MYO3B: variants seen among roughly 807,000 people sequenced by gnomAD.
The protein encoded by MYO3B is myosin IIIB, also known as myosin-IIIb.
In MYO3B, 156 loss-of-function variants were observed where a neutral mutation model predicts 174.6. The ratio of observed to expected loss-of-function variants is 0.89; its 90% CI spans 0.78 to 1.02. MYO3B has a LOEUF of 1.02. MYO3B is among the 50% of genes least tolerant of loss of function. The pLI, the probability that MYO3B is intolerant of heterozygous loss-of-function variation, is 0.00. For missense variants in MYO3B, 1,632 were observed against 1,639.4 expected, an observed-to-expected ratio of 1.00 and a Z score of 0.08; for synonymous variants, 563 against 569.1, an observed-to-expected ratio of 0.99 and a Z score of 0.15.
chr2:170,261,900 G>A (rs1051538010), intron 7 of MYO3B, among the ~76,000 whole-genome samples: 3 of 152,120 alleles, frequency 2.0e-5, no homozygotes, highest in African/African-American at 7.2e-5. Context: ...ATCAATAGAA[G>A]ATATGTATGT....
intron 22 of MYO3B, among the ~76,000 whole-genome samples, chr2:170,434,355 G>C (rs2094734864): frequency 6.6e-6 from 1 of 152,086 alleles, no homozygotes; most frequent in Admixed American, 6.6e-5. Context: ...TTTTCTTTTT[G>C]ATTCTCAGCA....
intron 14 of MYO3B, among the ~76,000 whole-genome samples, chr2:170,390,305 A>G (rs2094403395): frequency 3.9e-5 from 6 of 152,214 alleles, no homozygotes; most frequent in African/African-American, 1.4e-4. Flanking sequence ...ATGTGTGCCT[A>G]TAGTCATGGC....
chr2:170,593,996 G>C (rs1219589893), intron 32 of MYO3B, among the ~76,000 whole-genome samples: 1 of 152,086 alleles, frequency 6.6e-6, no homozygotes, highest in African/African-American at 2.4e-5. Context: ...CATCCACTTT[G>C]ATCATGTTAC....
intron 32 of MYO3B, among the ~76,000 whole-genome samples, chr2:170,624,742 C>A (rs1315709754): frequency 6.6e-6 from 1 of 152,062 alleles, no homozygotes; most frequent in South Asian, 2.1e-4. Flanking sequence ...TACATCTCAT[C>A]AATACCTAAT....
intron 32 of MYO3B, among the ~76,000 whole-genome samples, chr2:170,569,525 T>G (rs1302019792): frequency 1.3e-5 from 2 of 151,662 alleles, no homozygotes; most frequent in South Asian, 2.1e-4. Context: ...TGAGTTTTTT[T>G]TTTTTTTTTT....
chr2:170,522,297 GC>G (rs2106148373), intron 30 of MYO3B, among the ~76,000 whole-genome samples: 1 of 152,102 alleles, frequency 6.6e-6, no homozygotes, highest in Non-Finnish European at 1.5e-5. Flanking sequence ...CAACAGAAAA[GC>G]CCCTCCTAAA....
At chr2:170,248,895 A>G (rs1049769129) in intron 7 of MYO3B, among the ~76,000 whole-genome samples, 21 of 152,370 alleles carry the variant, frequency 1.4e-4, no homozygotes, top group African/African-American at 4.6e-4. Context: ...TCTGCTTACA[A>G]TGCCTCCCAA....
chr2:170,524,107 G>A (rs1440131482), intron 30 of MYO3B, among the ~76,000 whole-genome samples: 2 of 152,104 alleles, frequency 1.3e-5, no homozygotes, highest in African/African-American at 2.4e-5. Context: ...AGAACTGAAG[G>A]GAAGTGTTGA....
chr2:170,400,237 A>T lies in MYO3B; in HGVS notation c.1841A>T (p.Asn614Ile). 1 of 1,613,934 alleles carries T rather than the reference A, an allele frequency of 6.2e-7. No individual in the cohort carries two copies. Among genetic ancestry groups the T allele is most frequent in the Non-Finnish European group, 8.5e-7 (1 of 1,179,924 alleles). Residue 614 changes from asparagine to isoleucine, a missense_variant, in exon 17 of 35, where the codon AAC (asparagine) becomes ATC (isoleucine). By Grantham distance (149) the Asn-to-Ile change is moderately radical. Transcript: ENST00000408978. ...RILAGILNIG[N>I]IEFAAISSQH... ...TTGGCTGGGATTTTGAATATTGGGAACATTGAGTTCGCAGCTATTTCCTCT... is the reference window on the plus strand; with the variant it reads ...TTGGCTGGGATTTTGAATATTGGGATCATTGAGTTCGCAGCTATTTCCTCT...
chr2:170,498,365 A>T (rs536423337), intron 25 of MYO3B, among the ~76,000 whole-genome samples: 1 of 152,374 alleles, frequency 6.6e-6, no homozygotes, highest in East Asian at 1.9e-4. Flanking sequence ...TGAATTACAA[A>T]GCAACATTAA....
intron 12 of MYO3B, among the ~76,000 whole-genome samples, chr2:170,384,971 C>A (rs1458486839): frequency 6.6e-6 from 1 of 152,166 alleles, no homozygotes; most frequent in Non-Finnish European, 1.5e-5. Context: ...TCCAGGGGTT[C>A]TTGTGACTCT....
intron 7 of MYO3B, among the ~76,000 whole-genome samples, chr2:170,324,760 T>C (rs181445211): frequency 7.2e-5 from 11 of 152,352 alleles, no homozygotes; most frequent in African/African-American, 2.4e-4. Flanking sequence ...CAGAGGGCAC[T>C]AGAAGGCCAC....
intron 6 of MYO3B, among the ~76,000 whole-genome samples, chr2:170,218,754 G>C (rs1216072205): frequency 1.3e-5 from 2 of 152,190 alleles, no homozygotes; most frequent in Admixed American, 1.3e-4. Context: ...TAGTCATCCA[G>C]ATGATCTAGA....
intron 32 of MYO3B, among the ~76,000 whole-genome samples, chr2:170,627,316 G>C (rs576964300): frequency 3.9e-4 from 60 of 152,016 alleles, no homozygotes; most frequent in African/African-American, 1.4e-3. Context: ...TTCCATCATT[G>C]ATACCCTTTC....
At chr2:170,442,849 T>C (rs1236561432) in intron 22 of MYO3B, among the ~76,000 whole-genome samples, 3 of 152,240 alleles carry the variant, frequency 2.0e-5, no homozygotes, top group Non-Finnish European at 4.4e-5. Context: ...TTTTTATGGC[T>C]GCATAGTATT....
intron 25 of MYO3B, among the ~76,000 whole-genome samples, chr2:170,482,679 T>C (rs1013368510): frequency 1.8e-4 from 27 of 152,262 alleles, no homozygotes; most frequent in Admixed American, 3.3e-4. Context: ...AAATGCCTTT[T>C]ACAATATCAC....
At chr2:170,512,178 A>G (rs1240056873) in intron 28 of MYO3B, among the ~76,000 whole-genome samples, 1 of 152,026 alleles carries the variant, frequency 6.6e-6, no homozygotes, top group East Asian at 1.9e-4. Context: ...AAATTACTAG[A>G]CTTGTTTTGT....
chr2:170,216,654 C>T (rs2092831963), intron 5 of MYO3B, among the ~76,000 whole-genome samples: 2 of 152,144 alleles, frequency 1.3e-5, no homozygotes, highest in African/African-American at 4.8e-5. Context: ...GCTTTCTTGC[C>T]AGGTTTCCAG....
chr2:170,350,955 G>A (rs1209867645), intron 8 of MYO3B: 1 of 151,854 alleles, frequency 6.6e-6, no homozygotes, highest in African/African-American at 2.4e-5. Flanking sequence ...ACAGGATATT[G>A]CTAGGCCACA....
Sources: allele counts gnomAD v4.1 joint callset (sites outside exome capture counted in the v4.1 genomes callset), GRCh38; gene constraint gnomAD v4.1.1; transcripts MANE v1.5; gene names NCBI Gene and HGNC (gene_info 2026-07-23, HGNC 2026-07-21).